Variants in ETFA observed in about 807,000 individuals in gnomAD.
ETFA encodes electron transfer flavoprotein subunit alpha.
Under a neutral mutation model 46.2 loss-of-function variants are expected in ETFA, and 22 were observed. The ratio of observed to expected loss-of-function variants is 0.48; its 90% confidence interval spans 0.34 to 0.68. The LOEUF (loss-of-function observed/expected upper bound fraction) is 0.68, where lower values mean the gene tolerates loss of function less well. Ranked by LOEUF, ETFA falls within the 30% of genes least tolerant of loss-of-function variation. The probability of loss-of-function intolerance (pLI) is 0.01; values close to 1 mark genes in which losing one functional copy is unlikely to be tolerated. For missense variants in ETFA, 345 were observed against 401.1 expected, an observed-to-expected ratio of 0.86 and a Z score of 1.19; for synonymous variants, 131 against 139.9, an observed-to-expected ratio of 0.94 and a Z score of 0.45.
intron 5 of ETFA, among the ~76,000 whole-genome samples, chr15:76,287,249 G>A (rs897276566): frequency 6.6e-6 from 1 of 152,062 alleles, no homozygotes; most frequent in African/African-American, 2.4e-5. Flanking sequence ...CCATAGCCTC[G>A]ACCTTCTGGC....
intron 1 of ETFA, among the ~76,000 whole-genome samples, chr15:76,296,046 T>C (rs933694286): frequency 1.3e-4 from 20 of 148,660 alleles, no homozygotes; most frequent in African/African-American, 4.9e-4. Flanking sequence ...CCCAGGTTCA[T>C]GCCATTCTCC....
chr15:76,219,919 G>A (rs1026779396), intron 11 of ETFA, among the ~76,000 whole-genome samples: 4 of 152,224 alleles, frequency 2.6e-5, no homozygotes, highest in African/African-American at 9.7e-5. Flanking sequence ...AAAGCAGTTT[G>A]AAGGTTCTTC....
chr15:76,289,121 G>T (rs2039732485), intron 4 of ETFA, among the ~76,000 whole-genome samples: 1 of 151,874 alleles, frequency 6.6e-6, no homozygotes, highest in Non-Finnish European at 1.5e-5. Context: ...TTCTGTAGAA[G>T]CGGGGTCTTG....
At chr15:76,268,607 A>G (rs1323190713) in intron 9 of ETFA, among the ~76,000 whole-genome samples, 1 of 152,156 alleles carries the variant, frequency 6.6e-6, no homozygotes, top group Non-Finnish European at 1.5e-5. Context: ...AATACAAGAG[A>G]CCCTAACAGG....
At chr15:76,257,755 C>T (rs1277912647) in intron 9 of ETFA, among the ~76,000 whole-genome samples, 3 of 152,114 alleles carry the variant, frequency 2.0e-5, no homozygotes, top group Non-Finnish European at 4.4e-5. Context: ...ATAGAAAAGA[C>T]TTGGAACCAA....
At chr15:76,233,186 G>T (rs964147747) in intron 9 of ETFA, among the ~76,000 whole-genome samples, 2 of 152,176 alleles carry the variant, frequency 1.3e-5, no homozygotes, top group Non-Finnish European at 2.9e-5. Flanking sequence ...AATGTATCCA[G>T]TGTGTCAATT....
intron 9 of ETFA, among the ~76,000 whole-genome samples, chr15:76,255,529 G>A (rs1333503067): frequency 6.6e-6 from 1 of 152,182 alleles, no homozygotes; most frequent in East Asian, 1.9e-4. Context: ...CATTCCAGTG[G>A]TACGTAACTT....
intron 9 of ETFA, among the ~76,000 whole-genome samples, chr15:76,246,230 T>A (rs1303569320): frequency 2.6e-5 from 4 of 152,206 alleles, no homozygotes; most frequent in East Asian, 3.8e-4. Context: ...ATTATTATTA[T>A]CACCATTGTA....
At chr15:76,258,670 C>A (rs1354834195) in intron 9 of ETFA, among the ~76,000 whole-genome samples, 22 of 152,206 alleles carry the variant, frequency 1.4e-4, no homozygotes, top group Non-Finnish European at 1.3e-4. Flanking sequence ...CTGGACCCCC[C>A]ACTGCCATCC....
intron 5 of ETFA, among the ~76,000 whole-genome samples, chr15:76,287,309 T>A (rs528377162): frequency 6.6e-6 from 1 of 152,168 alleles, no homozygotes; most frequent in South Asian, 2.1e-4. Flanking sequence ...ACTACAGGCA[T>A]ATGCCAACAT....
intron 1 of ETFA, among the ~76,000 whole-genome samples, chr15:76,299,802 C>T (rs140768548): frequency 1.6e-4 from 24 of 152,286 alleles, no homozygotes; most frequent in Non-Finnish European, 7.4e-5. Context: ...ATCCCTTCAT[C>T]TGGGATCTAG....
At chr15:76,301,195 A>G (rs1000522648) in intron 1 of ETFA, among the ~76,000 whole-genome samples, 4 of 152,206 alleles carry the variant, frequency 2.6e-5, no homozygotes, top group African/African-American at 7.2e-5. Flanking sequence ...CCTTCTTTGG[A>G]CCGTCTCGGA....
chr15:76,257,723 G>A (rs4592616), intron 9 of ETFA, among the ~76,000 whole-genome samples: 38,070 of 150,586 alleles, frequency 0.25, 4,876 homozygotes, highest in East Asian at 0.55. Context: ...GCACACGTAT[G>A]TTTATTGCAG....
chr15:76,272,897 C>T (rs2039553545), intron 9 of ETFA, among the ~76,000 whole-genome samples: 1 of 151,414 alleles, frequency 6.6e-6, no homozygotes, highest in Non-Finnish European at 1.5e-5. Context: ...AATAAATCCA[C>T]TCTCACAGCC....
chr15:76,295,936 C>CTTTTTTTTTTTTTTGTTTTTTTTTTTTTT (rs2039816902), intron 1 of ETFA, among the ~76,000 whole-genome samples, 199 bp from the exon 2 acceptor site: 1 of 46,602 alleles, frequency 2.1e-5, no homozygotes, highest in Non-Finnish European at 4.2e-5. Flanking sequence ...CACTAATATT[C>CTTTTTTTTTTTTTTGTTTTTTTTTTTTTT]TTTTTTTTTT....
chr15:76,282,829 A>AT (rs896605255), intron 8 of ETFA, among the ~76,000 whole-genome samples: 5 of 151,952 alleles, frequency 3.3e-5, no homozygotes, highest in African/African-American at 7.3e-5. Flanking sequence ...CTTTAAAAAG[A>AT]TTTTTTTTCA....
At chr15:76,258,154 A>T (rs997615390) in intron 9 of ETFA, among the ~76,000 whole-genome samples, 4 of 150,096 alleles carry the variant, frequency 2.7e-5, no homozygotes, top group African/African-American at 1.0e-4. Flanking sequence ...CATGTACCCT[A>T]AAACTTAAAG....
At chr15:76,268,017 C>T (rs2039489620) in intron 9 of ETFA, among the ~76,000 whole-genome samples, 1 of 151,862 alleles carries the variant, frequency 6.6e-6, no homozygotes, top group African/African-American at 2.4e-5. Flanking sequence ...TGCTTTTTTG[C>T]AATACTATTG....
At chr15:76,266,222 T>C (rs1210355276) in intron 9 of ETFA, among the ~76,000 whole-genome samples, 1 of 152,206 alleles carries the variant, frequency 6.6e-6, no homozygotes. Context: ...GTGATAGATC[T>C]AAAGGATTGC....
Sources: allele counts gnomAD v4.1 joint callset (sites outside exome capture counted in the v4.1 genomes callset), GRCh38; gene constraint gnomAD v4.1.1; transcripts MANE v1.5; gene names NCBI Gene and HGNC (gene_info 2026-07-23, HGNC 2026-07-21).